The following EFCAB8 variants were observed in gnomAD, a reference collection of about 807,000 sequenced individuals.
EFCAB8 encodes the protein EF-hand calcium binding domain 8.
Under a neutral mutation model 116.3 loss-of-function variants are expected in EFCAB8, and 100 were observed. The ratio of observed to expected loss-of-function variants is 0.86; its 90% CI spans 0.73 to 1.02. The LOEUF is 1.02. Ranked by LOEUF, EFCAB8 falls within the 50% of genes least tolerant of loss-of-function variation. The probability of loss-of-function intolerance (pLI) is 0.00; values close to 1 mark genes in which losing one functional copy is unlikely to be tolerated. For missense variants in EFCAB8, 1,320 were observed against 1,416.9 expected (o/e 0.93, Z 1.10); for synonymous variants, 558 against 567.9 (o/e 0.98, Z 0.25).
intron 5 of EFCAB8, among the ~76,000 whole-genome samples, chr20:32,883,546 G>A (rs1315714528): frequency 2.0e-5 from 3 of 152,138 alleles, no homozygotes; most frequent in Non-Finnish European, 2.9e-5. Context: ...AGTAGGAAGG[G>A]GAGACATTCC....
chr20:32,931,350 T>C lies in EFCAB8; in HGVS notation c.2790+14T>C. 1.3e-6 allele frequency: 2 copies of C among 1,524,914 alleles called. No homozygotes were observed. The highest frequency in any genetic ancestry group is 1.8e-6 in the Non-Finnish European group (2 of 1,134,450). 94.5% of individuals were successfully genotyped at this position (1,524,914 alleles called of 1,614,324 possible). On this transcript the variant is annotated intron_variant, in intron 22 of 26. Coordinates refer to ENST00000400522, the MANE Select transcript of EFCAB8 (RefSeq NM_001143967.2). ...GAGGATAAAGAGGTAGGAGGATTAC[T>C]GGAGAGTTGCTCAGGAAAGTGCCTT...
At chr20:32,961,112 C>A in intron 26 of EFCAB8, 24 bp from the exon 27 acceptor site, 1 of 1,547,300 alleles carries the variant, frequency 6.5e-7, no homozygotes, top group South Asian at 1.2e-5. Context: ...GCCCCATTCC[C>A]GCTCCCCACT....
rs550348488 is a variant in EFCAB8 at position 32,920,165 on chromosome 20, G to A, written c.2362G>A (p.Gly788Arg). ...SIYKEDETRK[G>R]EWQKNMLVQS... ...TTACAAAGAGGATGAAACGAGAAAA[G>A]GAGAATGGCAGAAGAATATGTTGGT... The change falls in exon 20 of 27, where the codon GGA becomes AGA. Residue 788 changes from glycine (G) to arginine (R), a missense_variant. Gly to Arg is a moderately radical substitution (Grantham distance 125). Transcript: ENST00000400522. The A allele has an allele frequency of 5.2e-6, 8 of 1,551,754 alleles. No homozygotes were observed. In the African/African-American group the frequency reaches 6.8e-5, roughly 13 times the overall value.
At chr20:32,924,863 T>C (rs906800696) in intron 20 of EFCAB8, among the ~76,000 whole-genome samples, 4 of 152,158 alleles carry the variant, frequency 2.6e-5, no homozygotes. Flanking sequence ...CCCTCACCCC[T>C]GGCTTCAAGA....
chr20:32,905,287 A>G (rs1986622626), intron 11 of EFCAB8, among the ~76,000 whole-genome samples: 1 of 152,210 alleles, frequency 6.6e-6, no homozygotes, highest in Admixed American at 6.5e-5. Flanking sequence ...AAGCATGCAC[A>G]TTTAAGTTTC....
intron 1 of EFCAB8, 26 bp from the exon 2 acceptor site, chr20:32,863,752 GAGTTA>G: frequency 6.5e-7 from 1 of 1,547,126 alleles, no homozygotes; most frequent in Admixed American, 2.0e-5. Flanking sequence ...ACAACGACTG[GAGTTA>G]AGTTGACTAT....
At chr20:32,873,534 C>T (rs1984793145) in intron 3 of EFCAB8, among the ~76,000 whole-genome samples, 1 of 151,894 alleles carries the variant, frequency 6.6e-6, no homozygotes. Context: ...TCTTTTCCTT[C>T]AGCCAAAGTT....
rs1986576481 is a variant in EFCAB8, at chr20:32,904,426, A to G, written c.1089-2136A>G. ...AGCAATCCTCCCACCTCAGCCTTGC[A>G]AGTATTTGGGACTGCAGGTGCACCA... On this transcript the variant is annotated intron_variant, in intron 11 of 26. Coordinates refer to ENST00000400522, the MANE Select transcript of EFCAB8 (RefSeq NM_001143967.2). 4.1e-5 allele frequency among the ~76,000 whole-genome samples: 6 copies of G among 146,166 alleles called. No homozygotes were observed. In the South Asian group the frequency reaches 1.3e-3, roughly 32 times the overall value.
intron 23 of EFCAB8, among the ~76,000 whole-genome samples, chr20:32,944,141 A>G (rs1988504923): frequency 6.6e-6 from 1 of 152,350 alleles, no homozygotes; most frequent in Non-Finnish European, 1.5e-5. Context: ...GTGAATTTTG[A>G]GAAAGTAAAT....
At chr20:32,901,129 C>G (rs1472353936) in intron 11 of EFCAB8, among the ~76,000 whole-genome samples, 1 of 152,224 alleles carries the variant, frequency 6.6e-6, no homozygotes, top group Non-Finnish European at 1.5e-5. Context: ...GTCTTGGGTT[C>G]AGTGCTTTGA....
chr20:32,867,849 T>G, intron 3 of EFCAB8, 102 bp downstream of exon 3: 5 of 1,349,406 alleles, frequency 3.7e-6, no homozygotes, highest in Non-Finnish European at 5.0e-6. Context: ...AGCATTTTTT[T>G]TTTGTTTTTG....
At chr20:32,897,439 C>CTTTT (rs10693739) in intron 10 of EFCAB8, among the ~76,000 whole-genome samples, 1 of 136,238 alleles carries the variant, frequency 7.3e-6, no homozygotes. Context: ...CCTGCACTGA[C>CTTTT]TTTTTTTTTT....
At chr20:32,912,567 T>C (rs1176382737) in intron 16 of EFCAB8, among the ~76,000 whole-genome samples, 1 of 152,138 alleles carries the variant, frequency 6.6e-6, no homozygotes, top group African/African-American at 2.4e-5. Flanking sequence ...AGCTATCCTC[T>C]CTGTAAAATG....
chr20:32,865,443 A>C (rs948831313), intron 2 of EFCAB8, among the ~76,000 whole-genome samples: 8 of 152,054 alleles, frequency 5.3e-5, no homozygotes, highest in African/African-American at 1.9e-4. Context: ...AGTACTTTGA[A>C]TGCTACACTC....
chr20:32,873,601 A>T (rs1024528965), intron 3 of EFCAB8, among the ~76,000 whole-genome samples: 1 of 150,580 alleles, frequency 6.6e-6, no homozygotes. Flanking sequence ...GTAGGCTCAC[A>T]CCTGTAATCC....
intron 22 of EFCAB8, among the ~76,000 whole-genome samples, chr20:32,937,401 T>C (rs188138483): frequency 2.6e-5 from 4 of 152,332 alleles, no homozygotes; most frequent in Admixed American, 2.6e-4. Flanking sequence ...GACATTAATG[T>C]GGTTTCTAAC....
chr20:32,882,036 A>T (rs923655109), intron 5 of EFCAB8, among the ~76,000 whole-genome samples: 1 of 152,108 alleles, frequency 6.6e-6, no homozygotes, highest in African/African-American at 2.4e-5. Flanking sequence ...TGTCTCTACT[A>T]AAAATACAAA....
intron 18 of EFCAB8, 108 bp downstream of exon 18, chr20:32,917,613 G>A: frequency 7.7e-7 from 1 of 1,295,240 alleles, no homozygotes; most frequent in Non-Finnish European, 1.1e-6. Flanking sequence ...AGGGATGATG[G>A]CGACTTGTTC....
In EFCAB8 at chr20:32,959,965, G is replaced by A. The variant is rs1394612741; in HGVS notation, c.3277G>A (p.Glu1093Lys). ...EDIEDSWNKWESRDKQVSKVL... is the reference protein window; with the variant it reads ...EDIEDSWNKWKSRDKQVSKVL... ...CATTGAGGACAGCTGGAACAAGTGG[G>A]AGTCCAGGGACAAGCAGGTGAGGCT... The change falls in exon 25 of 27, where the codon GAG (glutamate) becomes AAG (lysine). Residue 1093 changes from glutamate to lysine, a missense_variant. Physicochemically the swap from Glu to Lys is moderately conservative, Grantham distance 56. Transcript: ENST00000400522. 1.3e-6 allele frequency: 2 copies of A among 1,551,718 alleles called. No individual in the cohort carries two copies. The highest frequency in any genetic ancestry group is 1.2e-5 in the South Asian group (1 of 84,060).
Sources: gnomAD v4.1 joint callset for allele counts (sites outside exome capture counted in the v4.1 genomes callset) on GRCh38, gnomAD v4.1.1 for gene constraint, MANE v1.5 for transcripts, NCBI Gene and HGNC (gene_info 2026-07-23, HGNC 2026-07-21) for gene names.